The following RSPH10B2 variants were observed in gnomAD, a reference collection of about 807,000 sequenced individuals.
RSPH10B2 encodes radial spoke head 10 homolog B2.
In RSPH10B2, 9 loss-of-function variants were observed where a neutral mutation model predicts 49.0. That is an observed-to-expected ratio of 0.18 (90% CI 0.11 to 0.32). RSPH10B2 has a LOEUF of 0.32. RSPH10B2 is among the 10% of genes least tolerant of loss of function. The probability of loss-of-function intolerance (pLI) is 1.00; values close to 1 mark genes in which losing one functional copy is unlikely to be tolerated. For missense variants in RSPH10B2, 95 were observed against 589.9 expected, an observed-to-expected ratio of 0.16 and a Z score of 8.69; for synonymous variants, 35 against 210.2, an observed-to-expected ratio of 0.17 and a Z score of 7.21.
At chr7:6,764,580 T>C (rs1252891227) in intron 4 of RSPH10B2, among the ~76,000 whole-genome samples, 72 of 149,570 alleles carry the variant, frequency 4.8e-4, no homozygotes, top group Non-Finnish European at 4.5e-5. Flanking sequence ...AGGGTGGTCT[T>C]GAACTCCTGA....
intron 17 of RSPH10B2, among the ~76,000 whole-genome samples, chr7:6,796,233 G>A (rs1418591604): frequency 1.7e-5 from 2 of 114,882 alleles, no homozygotes; most frequent in African/African-American, 6.3e-5. Context: ...AGAATCACTT[G>A]AACCCAGGAG....
intron 1 of RSPH10B2, among the ~76,000 whole-genome samples, chr7:6,758,522 G>A (rs1308278089): frequency 6.3e-5 from 8 of 126,346 alleles, no homozygotes; most frequent in African/African-American, 2.4e-4. Context: ...CATTAAGTAC[G>A]TTCATAGTGT....
At chr7:6,791,743 C>CAAAA (rs146980235) in intron 16 of RSPH10B2, among the ~76,000 whole-genome samples, 161 bp from the exon 19 acceptor site, 4 of 27,374 alleles carry the variant, frequency 1.5e-4, no homozygotes, top group Admixed American at 4.9e-4. Flanking sequence ...GACTCTGTCT[C>CAAAA]AAAAAAAAAA....
At chr7:6,776,928 A>ACACACACACACACAC (rs773659785) in intron 10 of RSPH10B2, among the ~76,000 whole-genome samples, 5 of 115,266 alleles carry the variant, frequency 4.3e-5, no homozygotes, top group Admixed American at 9.2e-5. Flanking sequence ...CACACACACA[A>ACACACACACACACAC]AAGGCAGGGG....
exon 4 of RSPH10B2, chr7:6,764,035 G>T (rs1349945124): frequency 7.7e-7 from 1 of 1,304,388 alleles, no homozygotes; most frequent in Admixed American, 1.8e-5. Flanking sequence ...GATTCGGGAT[G>T]TTCAAGTGCA....
intron 6 of RSPH10B2, among the ~76,000 whole-genome samples, chr7:6,767,852 G>A (rs1248076125): frequency 4.2e-5 from 3 of 71,594 alleles, no homozygotes; most frequent in Non-Finnish European, 7.4e-5. Flanking sequence ...CTCTCAAAGC[G>A]TTGGGATTAC....
chr7:6,794,475 A>T (rs1242918195), intron 17 of RSPH10B2: 1 of 131,772 alleles, frequency 7.6e-6, no homozygotes, highest in Non-Finnish European at 1.6e-5. Flanking sequence ...TCTCCCGCAG[A>T]GCTCAGCATC....
chr7:6,756,216 G>A (rs1298824496), upstream of RSPH10B2, among the ~76,000 whole-genome samples: 2 of 140,884 alleles, frequency 1.4e-5, no homozygotes, highest in Admixed American at 7.0e-5. Flanking sequence ...CTTGCAGTGA[G>A]CCAAGATCGC....
intron 16 of RSPH10B2, among the ~76,000 whole-genome samples, chr7:6,791,025 C>T (rs1196154132): frequency 8.7e-4 from 111 of 127,386 alleles, no homozygotes; most frequent in East Asian, 2.5e-3. Flanking sequence ...GACAGAGTCT[C>T]GCTCTGTCGC....
At chr7:6,795,499 G>A (rs1414186880) in intron 17 of RSPH10B2, among the ~76,000 whole-genome samples, 3 of 99,870 alleles carry the variant, frequency 3.0e-5, no homozygotes, top group African/African-American at 1.1e-4. Context: ...TAGGCCGGGT[G>A]CAGAGGCTCA....
chr7:6,760,834 G>A lies in RSPH10B2; in HGVS notation c.399+540G>A, dbSNP rs1188354596. 4.7e-5 allele frequency among the ~76,000 whole-genome samples: 5 copies of A among 106,824 alleles called. 1 individual carries two copies. The highest frequency in any genetic ancestry group is 1.8e-4 in the African/African-American group (5 of 27,422). 70.1% of individuals were successfully genotyped at this position (106,824 alleles called of 152,430 possible). ...TTGGCTTAGCCTGCTGAGTAGCTGT[G>A]ACTAGAGGTGTGCTCCGCAGCACGC... On this transcript the variant is annotated intron_variant, in intron 3 of 18. Coordinates refer to ENST00000297186, the Ensembl canonical transcript of RSPH10B2.
At chr7:6,796,040 C>T (rs1782542275) in intron 17 of RSPH10B2, among the ~76,000 whole-genome samples, 1 of 144,128 alleles carries the variant, frequency 6.9e-6, no homozygotes, top group Non-Finnish European at 1.5e-5. Context: ...AAAGAGGTGG[C>T]TGGGCACAGT....
chr7:6,783,270 T>C (rs1782010453), intron 13 of RSPH10B2, among the ~76,000 whole-genome samples: 1 of 115,358 alleles, frequency 8.7e-6, no homozygotes, highest in Non-Finnish European at 1.7e-5. Flanking sequence ...GACCTCGTGA[T>C]CCGCCCGTGT....
chr7:6,797,866 T>TACACACACACACAC lies in RSPH10B2; in HGVS notation c.2433-488_2433-475dup, dbSNP rs753716997. ...AGACCCTATCTCAAAAAAAAAAAAA[T>TACACACACACACAC]ACACACACACACACACACACACGTA... is the stretch of plus-strand genomic sequence containing the variant. On this transcript the variant is annotated intron_variant, in intron 18 of 18. Transcript: ENST00000297186. Among the ~76,000 whole-genome samples, 39 of 65,728 alleles carry TACACACACACACAC rather than the reference T, an allele frequency of 5.9e-4. 6 individuals carry two copies. The highest frequency in any genetic ancestry group is 2.8e-3 in the African/African-American group (38 of 13,378). 43.1% of individuals were successfully genotyped at this position (65,728 alleles called of 152,430 possible). A position where few individuals can be genotyped will look rare whatever the true frequency, so the allele number is the denominator to read the frequency against.
At chr7:6,764,383 T>C (rs1781376249) in intron 4 of RSPH10B2, among the ~76,000 whole-genome samples, 1 of 150,686 alleles carries the variant, frequency 6.6e-6, no homozygotes, top group Non-Finnish European at 1.5e-5. Flanking sequence ...TTTTTTGAGA[T>C]GGAGTCTTGC....
chr7:6,797,949 G>A (rs1340495233), intron 18 of RSPH10B2, among the ~76,000 whole-genome samples: 1 of 96,856 alleles, frequency 1.0e-5, no homozygotes, highest in East Asian at 3.6e-4. Context: ...GACCAGCCTG[G>A]CCAACCTGGT....
rs1490297990 is a variant in RSPH10B2, at chr7:6,791,156, C to A, written c.2140-748C>A. 3.0e-5 allele frequency among the ~76,000 whole-genome samples: 4 copies of A among 132,894 alleles called. No individual in the cohort carries two copies. In the Admixed American group the frequency reaches 3.2e-4, roughly 11 times the overall value. The allele number at this position is 132,894 out of a possible 152,430, so 87.2% of individuals were successfully genotyped here. A position where few individuals can be genotyped will look rare whatever the true frequency, so the allele number is the denominator to read the frequency against. ...AGCTAGGACTACAGGCACCCACCCC[C>A]ACGCCCGGCTAATTTTTTGTGTTGT... On this transcript the variant is annotated intron_variant, in intron 16 of 18. Transcript: ENST00000297186.
rs146980235 is a variant in RSPH10B2, at chr7:6,791,743, C to CAAA, written c.2140-143_2140-141dup. 5.5e-4 allele frequency among the ~76,000 whole-genome samples: 15 copies of CAAA among 27,368 alleles called. 1 individual carries two copies. Among genetic ancestry groups the CAAA allele is most frequent in the East Asian group, 5.1e-3 (2 of 390 alleles). 18.0% of individuals were successfully genotyped at this position (27,368 alleles called of 152,430 possible). A position where few individuals can be genotyped will look rare whatever the true frequency, so the allele number is the denominator to read the frequency against. On this transcript the variant is annotated intron_variant, in intron 16 of 18. Coordinates refer to ENST00000297186, the Ensembl canonical transcript of RSPH10B2. ...TGGGCAACAGAGCAAGACTCTGTCT[C>CAAA]AAAAAAAAAAAAAAAAAAAAGTCAA...
At chr7:6,772,133 TA>T (rs1238093496) in intron 8 of RSPH10B2, among the ~76,000 whole-genome samples, 1 of 54,256 alleles carries the variant, frequency 1.8e-5, no homozygotes, top group Admixed American at 2.2e-4. Flanking sequence ...ACTCCTTTTT[TA>T]AAAAAAAATT....
Sources: allele counts gnomAD v4.1 joint callset (sites outside exome capture counted in the v4.1 genomes callset), GRCh38; gene constraint gnomAD v4.1.1; transcripts MANE v1.5; gene names NCBI Gene and HGNC (gene_info 2026-07-23, HGNC 2026-07-21).